Variants in TRHDE observed in about 807,000 individuals in gnomAD.
The protein encoded by TRHDE is thyrotropin-releasing hormone-degrading ectoenzyme.
Under a neutral mutation model 125.7 loss-of-function variants are expected in TRHDE, and 72 were observed. The ratio of observed to expected loss-of-function variants is 0.57; its 90% confidence interval spans 0.47 to 0.70. The LOEUF is 0.70. Ranked by LOEUF, TRHDE falls within the 30% of genes least tolerant of loss-of-function variation. TRHDE has a pLI of 0.00. For missense variants in TRHDE, 1,110 were observed against 1,327.1 expected (o/e 0.84, Z 2.54); for synonymous variants, 509 against 509.1 (o/e 1.00, Z 0.00).
chr12:72,304,056 A>G (rs1318749912), intron 2 of TRHDE, among the ~76,000 whole-genome samples: 1 of 152,164 alleles, frequency 6.6e-6, no homozygotes. Context: ...ACACTTGATC[A>G]TTGTCACATA....
At chr12:72,364,383 A>G (rs1028968101) in intron 2 of TRHDE, among the ~76,000 whole-genome samples, 38 of 151,982 alleles carry the variant, frequency 2.5e-4, no homozygotes, top group African/African-American at 9.2e-4. Context: ...TTTCCTTGGC[A>G]TTGGACATTT....
chr12:72,400,787 CAA>C (rs1873009858), intron 3 of TRHDE, among the ~76,000 whole-genome samples: 1 of 151,996 alleles, frequency 6.6e-6, no homozygotes, highest in Non-Finnish European at 1.5e-5. Context: ...CTATGATTTC[CAA>C]AACACTTTGC....
At chr12:72,143,298 C>T (rs1005357165) in intron 2 of TRHDE, among the ~76,000 whole-genome samples, 14 of 152,060 alleles carry the variant, frequency 9.2e-5, no homozygotes, top group South Asian at 6.2e-4. Context: ...CCCATTTCAA[C>T]GGTGTTAGGA....
intron 13 of TRHDE, 95 bp downstream of exon 13, chr12:72,619,133 AGTTTG>A: frequency 1.0e-6 from 1 of 977,774 alleles, no homozygotes; most frequent in Non-Finnish European, 1.4e-6. Flanking sequence ...AAGTTATTTT[AGTTTG>A]TTCTTCTAGT....
At chr12:72,480,555 A>G (rs547417280) in intron 5 of TRHDE, among the ~76,000 whole-genome samples, 1 of 152,284 alleles carries the variant, frequency 6.6e-6, no homozygotes, top group East Asian at 1.9e-4. Context: ...TCTTCTGAGC[A>G]CTGTGTTGGG....
chr12:72,554,070 A>G (rs1869807001), intron 7 of TRHDE, among the ~76,000 whole-genome samples: 2 of 150,638 alleles, frequency 1.3e-5, no homozygotes, highest in Admixed American at 1.3e-4. Context: ...CTGGTCTCGA[A>G]CTCCTGACCT....
At chr12:72,174,368 C>T (rs941890638) in intron 2 of TRHDE, among the ~76,000 whole-genome samples, 3 of 152,112 alleles carry the variant, frequency 2.0e-5, no homozygotes, top group Admixed American at 6.6e-5. Context: ...TTTATTTGCA[C>T]AGCAGAAACT....
intron 2 of TRHDE, among the ~76,000 whole-genome samples, chr12:72,309,030 A>G (rs1868416113): frequency 6.6e-6 from 1 of 152,058 alleles, no homozygotes; most frequent in Admixed American, 6.6e-5. Context: ...TATGTACGGG[A>G]TGGCACCCTT....
intron 12 of TRHDE, among the ~76,000 whole-genome samples, chr12:72,597,297 G>C (rs969059545): frequency 6.6e-6 from 1 of 152,032 alleles, no homozygotes; most frequent in Non-Finnish European, 1.5e-5. Flanking sequence ...AATATTACAT[G>C]GTATGCATTT....
intron 6 of TRHDE, among the ~76,000 whole-genome samples, chr12:72,518,752 A>C (rs1397756335): frequency 1.3e-5 from 2 of 152,114 alleles, no homozygotes; most frequent in East Asian, 3.9e-4. Context: ...GATGGTCTTT[A>C]CATTTTGGCA....
intron 3 of TRHDE, among the ~76,000 whole-genome samples, chr12:72,430,265 C>T (rs1198743317): frequency 1.4e-5 from 2 of 143,206 alleles, no homozygotes; most frequent in Non-Finnish European, 3.0e-5. Flanking sequence ...ATATATAATA[C>T]ACACATATAA....
intron 2 of TRHDE, among the ~76,000 whole-genome samples, chr12:72,200,681 TAGTA>T (rs1447119523): frequency 2.0e-4 from 30 of 152,254 alleles, no homozygotes; most frequent in African/African-American, 6.5e-4. Flanking sequence ...TGTTAACACC[TAGTA>T]GAACAATGAA....
intron 2 of TRHDE, chr12:72,303,072 G>A (rs1868286013): frequency 6.6e-6 from 1 of 152,144 alleles, no homozygotes; most frequent in African/African-American, 2.4e-5. Context: ...GACTCCTTCT[G>A]GAGGTGTGCA....
chr12:72,145,744 A>C (rs1876211880), intron 2 of TRHDE, among the ~76,000 whole-genome samples: 1 of 152,174 alleles, frequency 6.6e-6, no homozygotes, highest in Admixed American at 6.5e-5. Context: ...CAGTCTTCAG[A>C]TCATTTAGGT....
chr12:72,530,416 CTTTTTTTTTTT>C (rs71438816), intron 6 of TRHDE, among the ~76,000 whole-genome samples: 2,105 of 68,628 alleles, frequency 0.031, 82 homozygotes, highest in African/African-American at 0.12. Context: ...TTCCTAGAAG[CTTTTTTTTTTT>C]TTTTTTTTTT....
chr12:72,551,429 C>T (rs1172370896), intron 7 of TRHDE, among the ~76,000 whole-genome samples: 2 of 152,134 alleles, frequency 1.3e-5, no homozygotes, highest in Non-Finnish European at 2.9e-5. Flanking sequence ...GATTATTTTA[C>T]TGATCATTTT....
At chr12:72,539,364 A>G (rs1374657187) in intron 6 of TRHDE, among the ~76,000 whole-genome samples, 1 of 151,896 alleles carries the variant, frequency 6.6e-6, no homozygotes, top group African/African-American at 2.4e-5. Flanking sequence ...CTCCCTCTCC[A>G]AAAGTGAGGA....
intron 2 of TRHDE, among the ~76,000 whole-genome samples, chr12:72,111,319 T>C (rs1281845618): frequency 6.6e-6 from 1 of 152,150 alleles, no homozygotes; most frequent in Non-Finnish European, 1.5e-5. Context: ...GATAAAGGAC[T>C]GTAAGCAAAA....
rs762864047 is a variant in TRHDE, at chr12:72,526,741, A to G, written c.1723-15550A>G. On this transcript the variant is annotated intron_variant, in intron 6 of 18. Transcript: ENST00000261180. Reference sequence around the variant, plus strand: ...GTGAGTGAGGTGTGTCTGCACAAGGATATCTGAGTTTTGTAGCCATGTGTC... The same window carrying G: ...GTGAGTGAGGTGTGTCTGCACAAGGGTATCTGAGTTTTGTAGCCATGTGTC... 1.3e-4 allele frequency among the ~76,000 whole-genome samples: 20 copies of G among 152,120 alleles called. No homozygotes were observed. The East Asian group carries it at 3.3e-3, about 25-fold the overall frequency.
Sources: gnomAD v4.1 joint callset for allele counts (sites outside exome capture counted in the v4.1 genomes callset) on GRCh38, gnomAD v4.1.1 for gene constraint, MANE v1.5 for transcripts, NCBI Gene and HGNC (gene_info 2026-07-23, HGNC 2026-07-21) for gene names.